The following TRMT9B variants were observed in gnomAD, a reference collection of about 807,000 sequenced individuals.
The protein encoded by TRMT9B is probable tRNA methyltransferase 9B.
A neutral mutation model predicts 11.5 loss-of-function variants in TRMT9B; 16 were observed. The observed-to-expected ratio is 1.39, with a 90% CI of 0.94 to 2.11. TRMT9B has a LOEUF of 2.11. Ranked by LOEUF, TRMT9B falls within the 30% of genes most tolerant of loss-of-function variation. TRMT9B has a pLI of 0.00. For synonymous variants in TRMT9B, 274 were observed against 192.4 expected, an observed-to-expected ratio of 1.42 and a Z score of -3.51; for missense variants, 941 against 553.8, an observed-to-expected ratio of 1.70 and a Z score of -7.02.
intron 1 of TRMT9B, chr8:12,960,290 C>T (rs189072045): frequency 6.6e-6 from 1 of 152,292 alleles, no homozygotes; most frequent in East Asian, 1.9e-4. Context: ...TAGTAGTAAC[C>T]AAGCTTAAGA....
At chr8:13,019,379 C>T (rs1440385732) in intron 4 of TRMT9B, among the ~76,000 whole-genome samples, 1 of 152,182 alleles carries the variant, frequency 6.6e-6, no homozygotes, top group Non-Finnish European at 1.5e-5. Flanking sequence ...GCAAACTCGA[C>T]CTCCCTGGCT....
intron 3 of TRMT9B, chr8:13,010,401 T>C (rs1811377169): frequency 2.0e-6 from 2 of 983,478 alleles, no homozygotes; most frequent in African/African-American, 1.7e-5. Context: ...GATGGTAATA[T>C]GACTGTCCTC....
chr8:12,968,716 C>T (rs533849521), intron 1 of TRMT9B, among the ~76,000 whole-genome samples: 4 of 152,210 alleles, frequency 2.6e-5, no homozygotes, highest in South Asian at 4.2e-4. Context: ...CCCTGAGTCG[C>T]GAGAGTGCAC....
At chr8:13,010,734 C>G (rs986374721) in intron 3 of TRMT9B, 4 of 984,122 alleles carry the variant, frequency 4.1e-6, no homozygotes, top group Non-Finnish European at 4.8e-6. Flanking sequence ...CTAAAGTATC[C>G]CTCGAGCCAA....
intron 1 of TRMT9B, among the ~76,000 whole-genome samples, chr8:12,946,289 A>T (rs546332381): frequency 6.6e-6 from 1 of 152,344 alleles, no homozygotes; most frequent in Admixed American, 6.5e-5. Context: ...AGAAGAGCAG[A>T]TTAAGCAATT....
At chr8:13,009,514 A>C (rs780744509) in intron 3 of TRMT9B, among the ~76,000 whole-genome samples, 1 of 152,192 alleles carries the variant, frequency 6.6e-6, no homozygotes, top group Non-Finnish European at 1.5e-5. Context: ...GGCGCCAAGC[A>C]ACCCACACCA....
chr8:13,021,264 T>G lies in TRMT9B; in HGVS notation c.585T>G (p.Ser195=), dbSNP rs1240553656. Residue 195 remains serine, a synonymous_variant, in exon 5 of 5, where the codon TCT becomes TCG. Transcript: ENST00000524591. Reference sequence around the variant, plus strand: ...GCCATCCCTACCATCCTCCTTGCTCTGAGTGTAGCTGTTCTGTTTGTTTTA... The same window carrying G: ...GCCATCCCTACCATCCTCCTTGCTCGGAGTGTAGCTGTTCTGTTTGTTTTA... ...ERGHPYHPPC[S]ECSCSVCFKE... 6.2e-7 allele frequency: 1 copy of G among 1,613,890 alleles called. No homozygotes were observed. Among genetic ancestry groups the G allele is most frequent in the African/African-American group, 1.3e-5 (1 of 74,946 alleles).
intron 1 of TRMT9B, among the ~76,000 whole-genome samples, chr8:12,953,339 A>G (rs1800881099): frequency 6.6e-6 from 1 of 151,964 alleles, no homozygotes; most frequent in Admixed American, 6.6e-5. Flanking sequence ...TCTATTTTTT[A>G]TTATTTATTT....
At chr8:13,018,983 G>T (rs576155097) in intron 4 of TRMT9B, among the ~76,000 whole-genome samples, 3 of 151,158 alleles carry the variant, frequency 2.0e-5, no homozygotes, top group Admixed American at 6.6e-5. Flanking sequence ...GTTGAAATAA[G>T]AAGAAAGAAC....
At chr8:13,014,067 T>TA (rs1812166432) in intron 4 of TRMT9B, among the ~76,000 whole-genome samples, 2 of 152,256 alleles carry the variant, frequency 1.3e-5, no homozygotes, top group African/African-American at 2.4e-5. Flanking sequence ...GCTCTTTTCC[T>TA]AAAATAGATG....
intron 1 of TRMT9B, among the ~76,000 whole-genome samples, chr8:12,976,905 G>A (rs1289416708): frequency 1.3e-5 from 2 of 152,146 alleles, no homozygotes; most frequent in Non-Finnish European, 2.9e-5. Context: ...CTATCTGGGA[G>A]GGAGTTGGGG....
chr8:13,021,047 C>G lies in TRMT9B; in HGVS notation c.368C>G (p.Ala123Gly). The change falls in exon 5 of 5, where the codon GCA becomes GGA. Residue 123 changes from alanine to glycine, a missense_variant. Coordinates refer to ENST00000524591, the MANE Select transcript of TRMT9B (RefSeq NM_020844.3). ...TCTACAAAACAAAGAAGAATCAGAG[C>G]AATAAAAGAAATGGCCAGGGTCTTA... ...HFSTKQRRIR[A>G]IKEMARVLVP... is the part of the protein sequence containing the mutation. 1 of 1,577,298 alleles carries G rather than the reference C, an allele frequency of 6.3e-7. No homozygotes were observed. The highest frequency in any genetic ancestry group is 8.6e-7 in the Non-Finnish European group (1 of 1,163,394).
At chr8:12,967,055 C>T (rs551389429) in intron 1 of TRMT9B, among the ~76,000 whole-genome samples, 1 of 152,108 alleles carries the variant, frequency 6.6e-6, no homozygotes, top group African/African-American at 2.4e-5. Context: ...GTAATGACAT[C>T]CTAGGTATTT....
At chr8:12,958,078 A>T (rs927637676) in intron 1 of TRMT9B, among the ~76,000 whole-genome samples, 1 of 152,086 alleles carries the variant, frequency 6.6e-6, no homozygotes, top group Non-Finnish European at 1.5e-5. Flanking sequence ...TATAAAGAAA[A>T]AGAGGTTTTT....
chr8:13,007,182 G>A (rs1377584100), intron 3 of TRMT9B: 2 of 152,202 alleles, frequency 1.3e-5, no homozygotes, highest in African/African-American at 4.8e-5. Context: ...GTGGGATTAT[G>A]GAAGAGGTCC....
chr8:13,017,287 C>T (rs910470391), intron 4 of TRMT9B, among the ~76,000 whole-genome samples: 13 of 152,096 alleles, frequency 8.5e-5, no homozygotes, highest in Admixed American at 6.6e-4. Context: ...CAAGATGTAA[C>T]AAGACATTCA....
chr8:12,978,092 A>C (rs968495935), intron 1 of TRMT9B, among the ~76,000 whole-genome samples: 5 of 152,200 alleles, frequency 3.3e-5, no homozygotes, highest in African/African-American at 4.8e-5. Context: ...TGAAAGGACC[A>C]GGGGAAAGCG....
intron 3 of TRMT9B, among the ~76,000 whole-genome samples, chr8:13,009,056 T>A (rs1563417997): frequency 7.8e-6 from 1 of 127,844 alleles, no homozygotes; most frequent in Non-Finnish European, 1.6e-5. Context: ...CTAAGCATTC[T>A]TCAACATCAC....
At position 13,027,956 on chromosome 8, in the gene TRMT9B, G is replaced by C. The variant is rs573131; in HGVS notation, c.*5912G>C. Reference sequence around the variant, plus strand: ...CAACCTCAGTTATCTACAACACTGAGGTGCAAACATTTAAAAAGATCTCTC... The same window carrying C: ...CAACCTCAGTTATCTACAACACTGACGTGCAAACATTTAAAAAGATCTCTC... On this transcript the variant is annotated 3_prime_UTR_variant, in exon 5 of 5. Transcript: ENST00000524591. 6 of 167,138 alleles carry C rather than the reference G, an allele frequency of 3.6e-5. No individual in the cohort carries two copies. Among genetic ancestry groups the C allele is most frequent in the South Asian group, 4.1e-4 (2 of 4,826 alleles). The allele number at this position is 167,138 out of a possible 1,614,324, so 10.4% of individuals were successfully genotyped here. A position where few individuals can be genotyped will look rare whatever the true frequency, so the allele number is the denominator to read the frequency against.
Sources: allele counts gnomAD v4.1 joint callset (sites outside exome capture counted in the v4.1 genomes callset), GRCh38; gene constraint gnomAD v4.1.1; transcripts MANE v1.5; gene names NCBI Gene and HGNC (gene_info 2026-07-23, HGNC 2026-07-21).